ARHGAP28: variants seen among roughly 807,000 people sequenced by gnomAD.
ARHGAP28 encodes rho GTPase-activating protein 28.
In ARHGAP28, 56 loss-of-function variants were observed where a neutral mutation model predicts 90.7. That is an observed-to-expected ratio of 0.62 (90% CI 0.50 to 0.77). The LOEUF is 0.77. Among genes scored for constraint, ARHGAP28 ranks in the 30% least tolerant of loss-of-function variants. The pLI is 0.00. For missense variants in ARHGAP28, 869 were observed against 900.9 expected (o/e 0.96, Z 0.45); for synonymous variants, 308 against 323.3 (o/e 0.95, Z 0.51).
At chr18:6,767,790 G>A (rs1374558171) in intron 1 of ARHGAP28, among the ~76,000 whole-genome samples, 1 of 152,088 alleles carries the variant, frequency 6.6e-6, no homozygotes, top group African/African-American at 2.4e-5. Context: ...TTATATGCCT[G>A]TCTGTGGTTT....
chr18:6,807,076 A>G (rs185105041), intron 1 of ARHGAP28, among the ~76,000 whole-genome samples: 53 of 152,078 alleles, frequency 3.5e-4, no homozygotes, highest in African/African-American at 1.2e-3. Flanking sequence ...ACGGTGCACC[A>G]TGGTGTTGTT....
At chr18:6,831,096 A>G (rs949282582) in intron 2 of ARHGAP28, among the ~76,000 whole-genome samples, 1 of 152,132 alleles carries the variant, frequency 6.6e-6, no homozygotes, top group Non-Finnish European at 1.5e-5. Flanking sequence ...GCAACACTTG[A>G]TGCTTTCAGT....
chr18:6,760,873 T>G (rs187811727), intron 1 of ARHGAP28, among the ~76,000 whole-genome samples: 1 of 152,334 alleles, frequency 6.6e-6, no homozygotes, highest in African/African-American at 2.4e-5. Flanking sequence ...TGGATTCATT[T>G]CATGTTACTG....
At chr18:6,764,009 A>G (rs1351987187) in intron 1 of ARHGAP28, among the ~76,000 whole-genome samples, 1 of 152,224 alleles carries the variant, frequency 6.6e-6, no homozygotes, top group Non-Finnish European at 1.5e-5. Context: ...CTATCAAACT[A>G]AAGAAAAAAA....
chr18:6,900,198 A>G (rs905172805), intron 16 of ARHGAP28, among the ~76,000 whole-genome samples: 3 of 152,170 alleles, frequency 2.0e-5, no homozygotes, highest in East Asian at 1.9e-4. Flanking sequence ...GGAAGACTAC[A>G]TGCCAAAAAA....
Position 6,824,808 on chromosome 18 carries a change from G to T in ARHGAP28, c.169G>T (p.Glu57Ter), listed in dbSNP as rs2056650553. ...CRRINRMLSNESLHPPAFSRS... is the reference protein window; with the variant it reads ...CRRINRMLSN ...AAGAATTAACAGGATGCTCTCCAATGAATCCCTCCATCCTCCTGCCTTCAG... is the reference window on the plus strand; with the variant it reads ...AAGAATTAACAGGATGCTCTCCAATTAATCCCTCCATCCTCCTGCCTTCAG... Residue 57 changes from glutamate (E) to a stop codon, truncating the protein, a stop_gained, in exon 2 of 18, where the codon GAA becomes TAA. Transcript: ENST00000383472. LOFTEE classifies it high-confidence loss of function. 1 of 1,535,624 alleles carries T rather than the reference G, an allele frequency of 6.5e-7. No homozygotes were observed. The highest frequency in any genetic ancestry group is 1.4e-5 in the African/African-American group (1 of 72,958).
chr18:6,780,839 C>T (rs1158249298), intron 1 of ARHGAP28, among the ~76,000 whole-genome samples: 1 of 151,264 alleles, frequency 6.6e-6, no homozygotes, highest in Admixed American at 6.6e-5. Flanking sequence ...TTGCAGTGAG[C>T]CGAGATCACG....
At chr18:6,824,640 G>A in intron 1 of ARHGAP28, 122 bp from the exon 2 acceptor site, 1 of 865,506 alleles carries the variant, frequency 1.2e-6, no homozygotes, top group Non-Finnish European at 1.7e-6. Flanking sequence ...TCTCAACCAT[G>A]GTTACTCCAC....
intron 1 of ARHGAP28, among the ~76,000 whole-genome samples, chr18:6,812,233 A>G (rs1010556282): frequency 1.3e-5 from 2 of 152,232 alleles, no homozygotes; most frequent in African/African-American, 4.8e-5. Context: ...GGAGCTTTAG[A>G]ATGGAAAATG....
At chr18:6,800,764 G>A (rs1207057306) in intron 1 of ARHGAP28, among the ~76,000 whole-genome samples, 1 of 152,072 alleles carries the variant, frequency 6.6e-6, no homozygotes. Flanking sequence ...ATGTAGATGA[G>A]GGGTTGATTG....
chr18:6,873,807 C>A (rs778083031), intron 9 of ARHGAP28, 32 bp downstream of exon 9: 26 of 1,560,480 alleles, frequency 1.7e-5, no homozygotes, highest in African/African-American at 4.1e-5. Flanking sequence ...GGGGAATTCA[C>A]AGAGCCTCAT....
intron 5 of ARHGAP28, among the ~76,000 whole-genome samples, chr18:6,866,208 T>C (rs912592242): frequency 3.3e-5 from 5 of 152,200 alleles, no homozygotes; most frequent in Non-Finnish European, 5.9e-5. Context: ...TTTGTCTTGC[T>C]CTGTTTTGTT....
chr18:6,754,083 G>A (rs2056090838), intron 1 of ARHGAP28, among the ~76,000 whole-genome samples: 1 of 152,190 alleles, frequency 6.6e-6, no homozygotes, highest in Non-Finnish European at 1.5e-5. Flanking sequence ...CAAGGTAGCA[G>A]GTAGGAAGAA....
At chr18:6,884,200 C>T (rs1052583616) in intron 11 of ARHGAP28, among the ~76,000 whole-genome samples, 9 of 152,014 alleles carry the variant, frequency 5.9e-5, no homozygotes, top group Non-Finnish European at 1.0e-4. Flanking sequence ...AGGTGAAACC[C>T]CGTCTCTACT....
Position 6,888,311 on chromosome 18 carries a change from G to A in ARHGAP28, c.1536+1072G>A, listed in dbSNP as rs189667854. Among the ~76,000 whole-genome samples the A allele has an allele frequency of 2.8e-3, 430 of 152,226 alleles. 2 individuals carry two copies. The highest frequency in any genetic ancestry group is 9.5e-3 in the African/African-American group (396 of 41,534). ...TAGGAAATTTGTTTTAAGTACAACA[G>A]GTATTTGGAATCTTTGAAATGAAAT... On this transcript the variant is annotated intron_variant, in intron 12 of 17. Coordinates refer to ENST00000383472, the MANE Select transcript of ARHGAP28 (RefSeq NM_001366230.1).
intron 6 of ARHGAP28, among the ~76,000 whole-genome samples, chr18:6,869,618 G>T (rs1284705961): frequency 6.6e-6 from 1 of 151,874 alleles, no homozygotes; most frequent in Non-Finnish European, 1.5e-5. Context: ...TTTTTAATTA[G>T]CATCACTATT....
chr18:6,852,101 C>T lies in ARHGAP28; in HGVS notation c.636+975C>T, dbSNP rs553527294. Among the ~76,000 whole-genome samples, 26 of 152,222 alleles carry T rather than the reference C, an allele frequency of 1.7e-4. 1 individual carries two copies. The highest frequency in any genetic ancestry group is 6.2e-4 in the South Asian group (3 of 4,826). ...ATCCTGTTTTTAAAAGTCCATTGAA[C>T]GTCTTATAATCTCATTAATAGACAA... On this transcript the variant is annotated intron_variant, in intron 4 of 17. Coordinates refer to ENST00000383472, the MANE Select transcript of ARHGAP28 (RefSeq NM_001366230.1).
intron 1 of ARHGAP28, among the ~76,000 whole-genome samples, chr18:6,820,132 C>G (rs1024434290): frequency 6.6e-6 from 1 of 151,462 alleles, no homozygotes; most frequent in Admixed American, 6.6e-5. Context: ...GAGATAAGAT[C>G]TTTCCAATAA....
intron 3 of ARHGAP28, among the ~76,000 whole-genome samples, chr18:6,839,358 A>G (rs1439041038): frequency 1.3e-5 from 2 of 149,746 alleles, no homozygotes; most frequent in African/African-American, 4.9e-5. Context: ...CAGTGGCGCA[A>G]TCTCGGCTCA....
Sources: gnomAD v4.1 joint callset for allele counts (sites outside exome capture counted in the v4.1 genomes callset) on GRCh38, gnomAD v4.1.1 for gene constraint, MANE v1.5 for transcripts, NCBI Gene and HGNC (gene_info 2026-07-23, HGNC 2026-07-21) for gene names.